Variants in CDH18 observed in about 807,000 individuals in gnomAD.
CDH18 encodes cadherin-18.
In CDH18, 31 loss-of-function variants were observed where a neutral mutation model predicts 67.9. That is an observed-to-expected ratio of 0.46 (90% CI 0.34 to 0.62). CDH18 has a LOEUF of 0.62. Ranked by LOEUF, CDH18 falls within the 20% of genes least tolerant of loss-of-function variation. The probability of loss-of-function intolerance (pLI) is 0.01; values close to 1 mark genes in which losing one functional copy is unlikely to be tolerated. For missense variants in CDH18, 890 were observed against 975.5 expected (o/e 0.91, Z 1.17); for synonymous variants, 362 against 347.2 (o/e 1.04, Z -0.48).
chr5:19,555,564 A>C (rs1216865818), intron 8 of CDH18, among the ~76,000 whole-genome samples: 1 of 152,146 alleles, frequency 6.6e-6, no homozygotes, highest in East Asian at 1.9e-4. Context: ...CCCCCTGGGA[A>C]TATAACTCCA....
rs146899857 is a variant in CDH18, at chr5:20,508,707, G to A, written c.-580+66755C>T. On this transcript the variant is annotated intron_variant, in intron 1 of 14. Coordinates refer to the CDH18 transcript ENST00000507958. ...GCTTTATACAATTCTATTTATCACA[G>A]TAGTGATCTTAGGTGCAGCAGCTAT... Among the ~76,000 whole-genome samples the A allele has an allele frequency of 9.5e-4, 144 of 152,098 alleles. 1 individual carries two copies. Among genetic ancestry groups the A allele is most frequent in the African/African-American group, 3.1e-3 (128 of 41,554 alleles).
At chr5:19,993,306 C>T (rs1800084439) in intron 2 of CDH18, among the ~76,000 whole-genome samples, 1 of 152,012 alleles carries the variant, frequency 6.6e-6, no homozygotes, top group Non-Finnish European at 1.5e-5. Context: ...AATTATATGA[C>T]ACAGTTATCA....
intron 2 of CDH18, among the ~76,000 whole-genome samples, chr5:20,044,345 GAGA>G (rs1255500592): frequency 8.6e-5 from 13 of 152,026 alleles, no homozygotes; most frequent in Admixed American, 1.3e-4. Flanking sequence ...AGGCTAGTTG[GAGA>G]AGGTTTTTTA....
chr5:19,959,150 G>C (rs1796551202), intron 2 of CDH18, among the ~76,000 whole-genome samples: 1 of 152,124 alleles, frequency 6.6e-6, no homozygotes, highest in Non-Finnish European at 1.5e-5. Context: ...AAAAAGAAAA[G>C]TAGAAAAAGA....
intron 2 of CDH18, among the ~76,000 whole-genome samples, chr5:19,939,983 T>C (rs980549640): frequency 1.1e-4 from 16 of 151,878 alleles, no homozygotes; most frequent in Non-Finnish European, 1.5e-4. Flanking sequence ...CAAAAATGCA[T>C]AGTTCCTATT....
intron 2 of CDH18, among the ~76,000 whole-genome samples, chr5:19,879,183 T>A (rs1289282144): frequency 6.6e-6 from 1 of 152,004 alleles, no homozygotes; most frequent in Non-Finnish European, 1.5e-5. Context: ...TCAATTTTTT[T>A]AAAAAAGCAA....
At chr5:19,840,530 C>A (rs1782184580) in intron 2 of CDH18, among the ~76,000 whole-genome samples, 1 of 151,652 alleles carries the variant, frequency 6.6e-6, no homozygotes, top group African/African-American at 2.4e-5. Context: ...TGGTGAAATC[C>A]CATCACTACT....
At chr5:19,602,328 T>C (rs1202867177) in intron 6 of CDH18, among the ~76,000 whole-genome samples, 4 of 152,088 alleles carry the variant, frequency 2.6e-5, no homozygotes, top group Non-Finnish European at 5.9e-5. Context: ...AATTCCGTTC[T>C]TAATACCATA....
At chr5:20,234,682 C>T (rs1299815617) in intron 2 of CDH18, among the ~76,000 whole-genome samples, 3 of 151,936 alleles carry the variant, frequency 2.0e-5, no homozygotes, top group Non-Finnish European at 4.4e-5. Flanking sequence ...GCAGCATGAA[C>T]TGACTAAGAT....
At chr5:20,463,347 A>G (rs537568277) in intron 1 of CDH18, among the ~76,000 whole-genome samples, 2 of 152,106 alleles carry the variant, frequency 1.3e-5, no homozygotes, top group African/African-American at 4.8e-5. Context: ...GTATCTTGTC[A>G]GTATGTTCAA....
rs375209252 is a variant in CDH18, at chr5:20,403,860, C to G, written c.-579-148355G>C. On this transcript the variant is annotated intron_variant, in intron 1 of 14. Coordinates refer to the CDH18 transcript ENST00000507958. The stretch of plus-strand genomic sequence containing the variant: ...CTTTAAAAACCAGGCATTTACTTCT[C>G]TCTACATGAAAGTTTTAGATGGCAT... Among the ~76,000 whole-genome samples, 10 of 152,268 alleles carry G rather than the reference C, an allele frequency of 6.6e-5. No homozygotes were observed. The East Asian group carries it at 1.5e-3, about 24-fold the overall frequency.
chr5:19,785,469 A>G (rs900537299), intron 3 of CDH18, among the ~76,000 whole-genome samples: 2 of 150,540 alleles, frequency 1.3e-5, no homozygotes, highest in African/African-American at 4.9e-5. Flanking sequence ...CCTAACCAAC[A>G]TGGAGAAACC....
In CDH18 at chr5:20,228,718, T is replaced by C. The variant is rs570922779; in HGVS notation, c.-518+26726A>G. ...TATGAGTGAGATAATATGGTATTTG[T>C]CTTTCTGTGCCTGGCTTATTTCACT... On this transcript the variant is annotated intron_variant, in intron 2 of 14. Transcript: ENST00000507958. Among the ~76,000 whole-genome samples, 158 of 152,242 alleles carry C rather than the reference T, an allele frequency of 1.0e-3. 1 individual carries two copies. Among genetic ancestry groups the C allele is most frequent in the African/African-American group, 3.7e-3 (152 of 41,578 alleles).
intron 2 of CDH18, among the ~76,000 whole-genome samples, chr5:20,180,977 C>G (rs1030606310): frequency 4.6e-5 from 7 of 152,140 alleles, no homozygotes; most frequent in Admixed American, 1.3e-4. Flanking sequence ...GTTTCCTTCA[C>G]TCATGCTGTA....
At chr5:19,638,364 T>A (rs1753468258) in intron 5 of CDH18, among the ~76,000 whole-genome samples, 1 of 152,176 alleles carries the variant, frequency 6.6e-6, no homozygotes, top group Non-Finnish European at 1.5e-5. Context: ...GTGCATACCA[T>A]CTAATAGAAC....
intron 5 of CDH18, among the ~76,000 whole-genome samples, chr5:19,709,714 GA>G (rs767689238): frequency 2.4e-4 from 36 of 151,128 alleles, no homozygotes; most frequent in Non-Finnish European, 4.4e-4. Flanking sequence ...GAAAAGAAAA[GA>G]AAAGAAAAAA....
intron 5 of CDH18, among the ~76,000 whole-genome samples, chr5:19,662,357 G>T (rs1314133040): frequency 6.6e-6 from 1 of 151,844 alleles, no homozygotes; most frequent in African/African-American, 2.4e-5. Flanking sequence ...TATTTTGAGG[G>T]CATAAGAAAC....
At chr5:19,962,579 G>A (rs1797031108) in intron 2 of CDH18, among the ~76,000 whole-genome samples, 1 of 151,728 alleles carries the variant, frequency 6.6e-6, no homozygotes, top group East Asian at 1.9e-4. Context: ...TATGAAACCA[G>A]CTTGGCCAAC....
intron 7 of CDH18, among the ~76,000 whole-genome samples, chr5:19,585,304 G>A (rs917079106): frequency 1.3e-5 from 2 of 152,062 alleles, no homozygotes; most frequent in Non-Finnish European, 1.5e-5. Flanking sequence ...TTCAGATTAC[G>A]TGTGTAATCA....
Sources: allele counts gnomAD v4.1 joint callset (sites outside exome capture counted in the v4.1 genomes callset), GRCh38; gene constraint gnomAD v4.1.1; transcripts MANE v1.5; gene names NCBI Gene and HGNC (gene_info 2026-07-23, HGNC 2026-07-21).